NTM: variants seen among roughly 807,000 people sequenced by gnomAD.
NTM encodes the protein neurotrimin, also known as IgLON family member 2.
Under a neutral mutation model 42.1 loss-of-function variants are expected in NTM, and 13 were observed. The observed-to-expected ratio is 0.31, with a 90% CI of 0.20 to 0.49. The LOEUF is 0.49. Ranked by LOEUF, NTM falls within the 20% of genes least tolerant of loss-of-function variation. NTM has a pLI of 0.99. For missense variants in NTM, 373 were observed against 452.8 expected (o/e 0.82, Z 1.60); for synonymous variants, 187 against 179.2 (o/e 1.04, Z -0.35).
chr11:131,991,075 A>G (rs1411758754), intron 2 of NTM, among the ~76,000 whole-genome samples: 1 of 152,212 alleles, frequency 6.6e-6, no homozygotes, highest in Non-Finnish European at 1.5e-5. Context: ...ACTATACATT[A>G]AGCACTGTAG....
chr11:131,404,653 C>T (rs1452801876), intron 1 of NTM, among the ~76,000 whole-genome samples: 3 of 152,110 alleles, frequency 2.0e-5, no homozygotes, highest in Non-Finnish European at 4.4e-5. Context: ...TTGGTTCATC[C>T]ATATTTTCAT....
intron 1 of NTM, among the ~76,000 whole-genome samples, chr11:131,521,756 T>G (rs984411249): frequency 2.6e-5 from 4 of 152,062 alleles, no homozygotes; most frequent in African/African-American, 7.2e-5. Context: ...ACATGAGGTT[T>G]GGAGGGTCAG....
chr11:132,136,893 C>T (rs1014075142), intron 2 of NTM, among the ~76,000 whole-genome samples: 2 of 152,080 alleles, frequency 1.3e-5, no homozygotes, highest in African/African-American at 2.4e-5. Flanking sequence ...CCAGGAGTGA[C>T]ACACATGCTG....
chr11:131,598,553 CT>C lies in NTM; in HGVS notation c.82+227666del, dbSNP rs536476365. ...ACATGTGTGCACTCGGGGCGGAGAG[CT>C]CCCCCCTCCATTAGTCACTGGGGTC... is the stretch of plus-strand genomic sequence containing the variant. On this transcript the variant is annotated intron_variant, in intron 1 of 8. Coordinates refer to ENST00000683400, the MANE Select transcript of NTM (RefSeq NM_001352005.2). Among the ~76,000 whole-genome samples, 314 of 152,212 alleles carry C rather than the reference CT, an allele frequency of 2.1e-3. 2 individuals carry two copies. The highest frequency in any genetic ancestry group is 7.4e-3 in the African/African-American group (308 of 41,526).
chr11:132,334,750 A>AGCCTGAGCCATG (rs2095856880), intron 8 of NTM, among the ~76,000 whole-genome samples: 1 of 151,848 alleles, frequency 6.6e-6, no homozygotes, highest in Non-Finnish European at 1.5e-5. Context: ...CTTGAATTTG[A>AGCCTGAGCCATG]GCCTGAGCCA....
At chr11:131,747,466 TC>T (rs556068064) in intron 1 of NTM, among the ~76,000 whole-genome samples, 164 of 152,326 alleles carry the variant, frequency 1.1e-3, no homozygotes, top group Non-Finnish European at 2.1e-3. Context: ...TTAATGAAGT[TC>T]CTCCTGTGTC....
intron 2 of NTM, among the ~76,000 whole-genome samples, chr11:132,084,111 A>G (rs1272273200): frequency 1.3e-5 from 2 of 151,998 alleles, no homozygotes; most frequent in African/African-American, 4.8e-5. Context: ...CTTTATTCCG[A>G]TGTCACAATT....
chr11:131,607,247 G>T (rs903867142), intron 1 of NTM, among the ~76,000 whole-genome samples: 2 of 152,170 alleles, frequency 1.3e-5, no homozygotes, highest in African/African-American at 4.8e-5. Flanking sequence ...GACTCAGGAG[G>T]CCTGAAGCTG....
chr11:131,727,533 C>A lies in NTM; in HGVS notation c.83-184031C>A, dbSNP rs563077043. On this transcript the variant is annotated intron_variant, in intron 1 of 8. Coordinates refer to ENST00000683400, the MANE Select transcript of NTM (RefSeq NM_001352005.2). Reference sequence around the variant, plus strand: ...AGGTGAGTTAGAGGGGCCAGCCTACCAATATGCCAGGAAAGGAGTTTAGAC... The same window carrying A: ...AGGTGAGTTAGAGGGGCCAGCCTACAAATATGCCAGGAAAGGAGTTTAGAC... 7.9e-5 allele frequency among the ~76,000 whole-genome samples: 12 copies of A among 152,216 alleles called. No individual in the cohort carries two copies. The South Asian group carries it at 2.3e-3, about 29-fold the overall frequency.
intron 2 of NTM, among the ~76,000 whole-genome samples, chr11:132,043,010 G>T (rs1468524219): frequency 6.6e-6 from 1 of 152,172 alleles, no homozygotes. Context: ...TACATAAGTG[G>T]AAGTATGAAG....
At chr11:131,375,406 TA>T (rs1190747736) in intron 1 of NTM, among the ~76,000 whole-genome samples, 3 of 152,184 alleles carry the variant, frequency 2.0e-5, no homozygotes, top group African/African-American at 4.8e-5. Context: ...CAATTAAACA[TA>T]AAAAAAGAAA....
chr11:132,103,994 G>A (rs559506021), intron 2 of NTM, among the ~76,000 whole-genome samples: 11 of 152,324 alleles, frequency 7.2e-5, no homozygotes, highest in South Asian at 2.1e-4. Flanking sequence ...GAAGTTATGC[G>A]TATGGTATAC....
At chr11:132,047,206 G>T (rs901529605) in intron 2 of NTM, among the ~76,000 whole-genome samples, 2 of 152,262 alleles carry the variant, frequency 1.3e-5, no homozygotes, top group African/African-American at 4.8e-5. Context: ...AGAAGAATGA[G>T]CAGGATTCTG....
chr11:131,884,453 A>C (rs1041962244), intron 1 of NTM, among the ~76,000 whole-genome samples: 1 of 152,152 alleles, frequency 6.6e-6, no homozygotes, highest in East Asian at 1.9e-4. Context: ...CAACACTAAA[A>C]AGTTAGAAGG....
At chr11:131,793,034 T>G (rs528593298) in intron 1 of NTM, among the ~76,000 whole-genome samples, 1 of 152,306 alleles carries the variant, frequency 6.6e-6, no homozygotes, top group East Asian at 1.9e-4. Flanking sequence ...CCCATTAAAG[T>G]GAAGGCCCTG....
At chr11:131,582,732 T>C (rs1272572621) in intron 1 of NTM, among the ~76,000 whole-genome samples, 1 of 152,176 alleles carries the variant, frequency 6.6e-6, no homozygotes, top group African/African-American at 2.4e-5. Context: ...ATTGTCAATG[T>C]CACATTCCCC....
At chr11:132,288,651 C>T (rs892511190) in intron 4 of NTM, among the ~76,000 whole-genome samples, 1 of 151,852 alleles carries the variant, frequency 6.6e-6, no homozygotes, top group Non-Finnish European at 1.5e-5. Context: ...CAGAGTTTCG[C>T]TTTTGTTGCC....
intron 1 of NTM, among the ~76,000 whole-genome samples, chr11:131,638,434 C>A (rs887392269): frequency 1.3e-5 from 2 of 151,776 alleles, no homozygotes; most frequent in Non-Finnish European, 2.9e-5. Flanking sequence ...GGCATGATGG[C>A]GGGTGCCTGT....
chr11:132,066,288 G>T (rs1413649692), intron 2 of NTM, among the ~76,000 whole-genome samples: 1 of 152,136 alleles, frequency 6.6e-6, no homozygotes. Context: ...CTCCACCTGA[G>T]GAACTGTTCC....
Sources: gnomAD v4.1 joint callset for allele counts (sites outside exome capture counted in the v4.1 genomes callset) on GRCh38, gnomAD v4.1.1 for gene constraint, MANE v1.5 for transcripts, NCBI Gene and HGNC (gene_info 2026-07-23, HGNC 2026-07-21) for gene names.